The following ISCA1 variants were observed in gnomAD, a reference collection of about 807,000 sequenced individuals.
ISCA1 encodes the protein iron-sulfur cluster assembly 1.
ISCA1 carries 9 observed loss-of-function variants against 14.7 expected under a neutral mutation model. The observed-to-expected ratio is 0.61, with a 90% confidence interval of 0.37 to 1.07. The LOEUF (loss-of-function observed/expected upper bound fraction) is 1.07, where lower values mean the gene tolerates loss of function less well. Among genes scored for constraint, ISCA1 ranks in the 50% least tolerant of loss-of-function variants. ISCA1 has a pLI of 0.01. For synonymous variants in ISCA1, 38 were observed against 54.3 expected (o/e 0.70, Z 1.32); for missense variants, 102 against 150.1 (o/e 0.68, Z 1.67).
chr9:86,275,762 AG>A (rs1213615484), intron 1 of ISCA1, among the ~76,000 whole-genome samples: 1 of 152,220 alleles, frequency 6.6e-6, no homozygotes, highest in African/African-American at 2.4e-5. Flanking sequence ...CTGTCAGAAA[AG>A]GAGGCATGCA....
At position 86,268,111 on chromosome 9, in the gene ISCA1, T is replaced by C. The variant is rs963545107; in HGVS notation, c.242-1920A>G. Among the ~76,000 whole-genome samples, 14 of 148,154 alleles carry C rather than the reference T, an allele frequency of 9.4e-5. 1 individual carries two copies. The highest frequency in any genetic ancestry group is 3.5e-4 in the African/African-American group (14 of 40,488). On this transcript the variant is annotated intron_variant, in intron 3 of 3. Transcript: ENST00000375991. ...AAATTTTAGAGTGTACTTCTACTTA[T>C]AAAAAAAAAAGTTAACCGTGAAACA... is the stretch of plus-strand genomic sequence containing the variant.
Position 86,264,917 on chromosome 9 carries a change from C to T in ISCA1, c.*1126G>A, listed in dbSNP as rs1013462841. ...AATACTAAGAACTTTAGCAACTGGA[C>T]CGAGGAACCAGAAAATGTATGCACA... On this transcript the variant is annotated 3_prime_UTR_variant, in exon 4 of 4. Coordinates refer to ENST00000375991, the MANE Select transcript of ISCA1 (RefSeq NM_030940.4). 6.6e-6 allele frequency: 1 copy of T among 152,092 alleles called. No individual in the cohort carries two copies. Among genetic ancestry groups the T allele is most frequent in the African/African-American group, 2.4e-5 (1 of 41,400 alleles). 9.4% of individuals were successfully genotyped at this position (152,092 alleles called of 1,614,324 possible). A position where few individuals can be genotyped will look rare whatever the true frequency, so the allele number is the denominator to read the frequency against.
intron 2 of ISCA1, among the ~76,000 whole-genome samples, chr9:86,272,716 A>G (rs998055644): frequency 7.2e-5 from 11 of 152,222 alleles, no homozygotes; most frequent in African/African-American, 2.2e-4. Context: ...AACTGAGTAT[A>G]CAAAAATCTG....
At chr9:86,269,905 G>A (rs887601757) in intron 3 of ISCA1, among the ~76,000 whole-genome samples, 8 of 152,316 alleles carry the variant, frequency 5.3e-5, no homozygotes, top group South Asian at 2.1e-4. Context: ...AAAGCTGAAA[G>A]TGGATCCCTT....
chr9:86,272,885 C>T (rs1221075622), intron 2 of ISCA1, among the ~76,000 whole-genome samples: 1 of 152,190 alleles, frequency 6.6e-6, no homozygotes, highest in Non-Finnish European at 1.5e-5. Context: ...GAATGAAAGT[C>T]TGTACATGTT....
rs558505393 is a variant in ISCA1, at chr9:86,266,003, G to A, written c.*40C>T. 3 of 1,611,614 alleles carry A rather than the reference G, an allele frequency of 1.9e-6. No individual in the cohort carries two copies. Among genetic ancestry groups the A allele is most frequent in the Admixed American group, 3.3e-5 (2 of 59,982 alleles). ...CTGCAGTGAGCCCCAAAGCTTCCACGAGCTTTCCTGGAACCTACGGCCAGA... is the reference window on the plus strand; with the variant it reads ...CTGCAGTGAGCCCCAAAGCTTCCACAAGCTTTCCTGGAACCTACGGCCAGA... On this transcript the variant is annotated 3_prime_UTR_variant, in exon 4 of 4. Coordinates refer to ENST00000375991, the MANE Select transcript of ISCA1 (RefSeq NM_030940.4).
chr9:86,270,609 C>T (rs1389267466), intron 3 of ISCA1, among the ~76,000 whole-genome samples: 2 of 151,812 alleles, frequency 1.3e-5, no homozygotes, highest in African/African-American at 2.4e-5. Flanking sequence ...ACCCAAAGGA[C>T]TACAAATCAT....
chr9:86,270,336 G>GA (rs1425881645), intron 3 of ISCA1, among the ~76,000 whole-genome samples: 5 of 151,568 alleles, frequency 3.3e-5, no homozygotes, highest in East Asian at 1.9e-4. Context: ...AAAGACACAT[G>GA]AAAAAATGCT....
intron 2 of ISCA1, among the ~76,000 whole-genome samples, chr9:86,272,464 A>G (rs1825382861): frequency 6.6e-6 from 1 of 152,222 alleles, no homozygotes; most frequent in Non-Finnish European, 1.5e-5. Flanking sequence ...CTACCTCTAC[A>G]TGGGATCTGA....
At chr9:86,275,705 C>A (rs1348603370) in intron 1 of ISCA1, among the ~76,000 whole-genome samples, 1 of 152,152 alleles carries the variant, frequency 6.6e-6, no homozygotes, top group Non-Finnish European at 1.5e-5. Flanking sequence ...AAAAAACAAA[C>A]CACTACCAGT....
chr9:86,270,189 C>T (rs1410323149), intron 3 of ISCA1, among the ~76,000 whole-genome samples: 5 of 133,288 alleles, frequency 3.8e-5, no homozygotes, highest in Non-Finnish European at 7.8e-5. Flanking sequence ...TCACAACCTA[C>T]TCATCTGACA....
intron 1 of ISCA1, among the ~76,000 whole-genome samples, chr9:86,276,764 C>T (rs753828701): frequency 6.7e-6 from 1 of 148,262 alleles, no homozygotes. Context: ...CCAGCTACTC[C>T]GGAGGCTGAC....
At chr9:86,277,809 G>C (rs963782155) in intron 1 of ISCA1, among the ~76,000 whole-genome samples, 1 of 152,142 alleles carries the variant, frequency 6.6e-6, no homozygotes, top group African/African-American at 2.4e-5. Flanking sequence ...TTACTCACAT[G>C]CAAATCACAG....
chr9:86,280,581 C>T (rs1441571627), intron 1 of ISCA1, among the ~76,000 whole-genome samples: 4 of 122,182 alleles, frequency 3.3e-5, no homozygotes, highest in East Asian at 5.1e-4. Context: ...GGCAACCCAG[C>T]GAAACCCTGT....
In ISCA1 at chr9:86,265,681, T is replaced by C. The variant is rs116518886; in HGVS notation, c.*362A>G. 5.3e-3 allele frequency: 1,316 copies of C among 246,668 alleles called. 19 individuals are homozygous for C. The highest frequency in any genetic ancestry group is 0.027 in the African/African-American group (1,180 of 44,168). The allele number at this position is 246,668 out of a possible 1,614,324, so 15.3% of individuals were successfully genotyped here. On this transcript the variant is annotated 3_prime_UTR_variant, in exon 4 of 4. Coordinates refer to ENST00000375991, the MANE Select transcript of ISCA1 (RefSeq NM_030940.4). ...AGTCACGATGTCCTGTCTCAGATTTTAGGAGTCACCGATCTGGTTGGGAGA... is the reference window on the plus strand; with the variant it reads ...AGTCACGATGTCCTGTCTCAGATTTCAGGAGTCACCGATCTGGTTGGGAGA...
At chr9:86,267,245 A>G (rs1825302252) in intron 3 of ISCA1, 1 of 762,412 alleles carries the variant, frequency 1.3e-6, no homozygotes, top group Non-Finnish European at 1.6e-6. Context: ...CAAAACAACG[A>G]AACAACAAAA....
rs35460722 is a variant in ISCA1 at position 86,276,870 on chromosome 9, CAAAAAAAAAAAA to C, written c.82-2640_82-2629del. ...TGGGAAACAGAGTGAGACTCTGTCT[CAAAAAAAAAAAA>C]AAAAAAAAAAAAAAGGCATAGCCAT... On this transcript the variant is annotated intron_variant, in intron 1 of 3. Coordinates refer to ENST00000375991, the MANE Select transcript of ISCA1 (RefSeq NM_030940.4). 2.5e-3 allele frequency among the ~76,000 whole-genome samples: 100 copies of C among 39,910 alleles called. 1 individual carries two copies. The highest frequency in any genetic ancestry group is 9.3e-3 in the African/African-American group (96 of 10,290). The allele number at this position is 39,910 out of a possible 152,430, so 26.2% of individuals were successfully genotyped here. A position where few individuals can be genotyped will look rare whatever the true frequency, so the allele number is the denominator to read the frequency against.
chr9:86,277,199 A>C (rs1825449387), intron 1 of ISCA1, among the ~76,000 whole-genome samples: 1 of 152,208 alleles, frequency 6.6e-6, no homozygotes, highest in Non-Finnish European at 1.5e-5. Context: ...CTTATCACCA[A>C]GTTGCTGATG....
intron 1 of ISCA1, among the ~76,000 whole-genome samples, chr9:86,275,333 AGTAAAGTCTTTGAGACTGCTT>A (rs1159495601): frequency 4.9e-4 from 74 of 152,336 alleles, no homozygotes; most frequent in Non-Finnish European, 9.1e-4. Flanking sequence ...TTTACTGTAC[AGTAAAGTCTTTGAGACTGCTT>A]GTGAAGTCTC....
Sources: gnomAD v4.1 joint callset for allele counts (sites outside exome capture counted in the v4.1 genomes callset) on GRCh38, gnomAD v4.1.1 for gene constraint, MANE v1.5 for transcripts, NCBI Gene and HGNC (gene_info 2026-07-23, HGNC 2026-07-21) for gene names.